The following PCDH7 variants were observed in gnomAD, a reference collection of about 807,000 sequenced individuals.
PCDH7 encodes the protein protocadherin 7.
Under a neutral mutation model 58.9 loss-of-function variants are expected in PCDH7, and 17 were observed. The observed-to-expected ratio is 0.29, with a 90% CI of 0.20 to 0.43. PCDH7 has a LOEUF of 0.43. Ranked by LOEUF, PCDH7 falls within the 20% of genes least tolerant of loss-of-function variation. The pLI, the probability that PCDH7 is intolerant of heterozygous loss-of-function variation, is 1.00. For synonymous variants in PCDH7, 664 were observed against 616.4 expected (o/e 1.08, Z -1.14); for missense variants, 1,274 against 1,441.0 (o/e 0.88, Z 1.88).
chr4:31,053,894 A>C (rs182324791), intron 3 of PCDH7, among the ~76,000 whole-genome samples: 1 of 152,128 alleles, frequency 6.6e-6, no homozygotes, highest in East Asian at 1.9e-4. Flanking sequence ...CTAAACTAAA[A>C]TTTTCTGGTT....
At chr4:30,783,685 G>A (rs2121659) in intron 1 of PCDH7, among the ~76,000 whole-genome samples, 54,449 of 151,986 alleles carry the variant, frequency 0.36, 10,638 homozygotes, top group African/African-American at 0.51. Context: ...CTTGTACTGA[G>A]GTCTGAGTTC....
At position 31,005,574 on chromosome 4, in the gene PCDH7, A is replaced by C. The variant is rs186903790; in HGVS notation, c.*7+55359A>C. ...CCTCTGTTCTGTTAGGTTTATCGGC[A>C]TGATACGATTTCAAAACCATATAAC... On this transcript the variant is annotated intron_variant, in intron 3 of 3. Transcript: ENST00000509759. 2.0e-5 allele frequency among the ~76,000 whole-genome samples: 3 copies of C among 152,340 alleles called. No individual in the cohort carries two copies. The East Asian group carries it at 5.8e-4, about 29-fold the overall frequency.
chr4:30,746,094 G>T (rs905428914), intron 1 of PCDH7, among the ~76,000 whole-genome samples: 4 of 152,128 alleles, frequency 2.6e-5, no homozygotes, highest in African/African-American at 9.7e-5. Context: ...CTCCAAAAGT[G>T]CTGGGATTAC....
At chr4:30,918,251 A>G (rs1423737863) in intron 1 of PCDH7, among the ~76,000 whole-genome samples, 1 of 152,008 alleles carries the variant, frequency 6.6e-6, no homozygotes. Context: ...GTGTAGAACA[A>G]TGTGGTTTTA....
Position 31,093,132 on chromosome 4 carries a change from T to C in PCDH7, c.*8-49341T>C, listed in dbSNP as rs115828085. ...GGGCACATGGATGATGTATCCTTATTTCCCTCAGATATTGCCTGGTTTTTA... is the reference window on the plus strand; with the variant it reads ...GGGCACATGGATGATGTATCCTTATCTCCCTCAGATATTGCCTGGTTTTTA... On this transcript the variant is annotated intron_variant, in intron 3 of 3. Coordinates refer to the PCDH7 transcript ENST00000509759. Among the ~76,000 whole-genome samples, 1,155 of 152,232 alleles carry C rather than the reference T, an allele frequency of 7.6e-3. 12 individuals are homozygous for C. The highest frequency in any genetic ancestry group is 0.026 in the African/African-American group (1,095 of 41,562).
chr4:31,077,602 C>T (rs1759117087), intron 3 of PCDH7, among the ~76,000 whole-genome samples: 1 of 151,924 alleles, frequency 6.6e-6, no homozygotes, highest in Non-Finnish European at 1.5e-5. Context: ...TAGTATGTCT[C>T]CCCACTTCAT....
chr4:30,916,304 C>G (rs1742465698), intron 1 of PCDH7, among the ~76,000 whole-genome samples: 1 of 152,180 alleles, frequency 6.6e-6, no homozygotes, highest in African/African-American at 2.4e-5. Flanking sequence ...ATTTCTTCTT[C>G]CTCCTCTTTC....
intron 3 of PCDH7, among the ~76,000 whole-genome samples, chr4:30,976,135 T>C (rs1326808237): frequency 6.6e-6 from 1 of 152,210 alleles, no homozygotes; most frequent in East Asian, 1.9e-4. Flanking sequence ...ACTTTCAATA[T>C]AAAATTCTTT....
intron 1 of PCDH7, among the ~76,000 whole-genome samples, chr4:30,896,871 G>GC (rs1290518791): frequency 8.9e-6 from 1 of 112,504 alleles, no homozygotes; most frequent in African/African-American, 3.4e-5. Context: ...CTTGTCTTGT[G>GC]CCCCTCCTAG....
chr4:31,013,849 A>C (rs1753402822), intron 3 of PCDH7, among the ~76,000 whole-genome samples: 1 of 152,162 alleles, frequency 6.6e-6, no homozygotes, highest in Non-Finnish European at 1.5e-5. Context: ...TGTCACATAG[A>C]ATTCCATTCT....
chr4:31,061,606 A>T (rs1285580647), intron 3 of PCDH7, among the ~76,000 whole-genome samples: 6 of 151,706 alleles, frequency 4.0e-5, no homozygotes, highest in Non-Finnish European at 3.0e-5. Context: ...AACAAAGCAA[A>T]ATATATATTC....
intron 1 of PCDH7, among the ~76,000 whole-genome samples, chr4:30,906,246 G>A (rs575485893): frequency 2.0e-5 from 3 of 152,046 alleles, no homozygotes; most frequent in South Asian, 4.2e-4. Context: ...ATACTCTTAC[G>A]GTTTCAAAGT....
intron 3 of PCDH7, among the ~76,000 whole-genome samples, chr4:30,961,043 A>T (rs1748367486): frequency 6.6e-6 from 1 of 152,178 alleles, no homozygotes; most frequent in South Asian, 2.1e-4. Flanking sequence ...CAAAATGAAG[A>T]TATGTGGATT....
chr4:30,958,599 C>A (rs1480067490), intron 3 of PCDH7, among the ~76,000 whole-genome samples: 1 of 151,616 alleles, frequency 6.6e-6, no homozygotes, highest in Non-Finnish European at 1.5e-5. Context: ...GTATTTTTGG[C>A]AAAACATTTT....
chr4:31,031,597 C>T (rs1754921657), intron 3 of PCDH7, among the ~76,000 whole-genome samples: 1 of 152,024 alleles, frequency 6.6e-6, no homozygotes, highest in South Asian at 2.1e-4. Context: ...TATTTGTTGG[C>T]CTTCCCAATA....
rs865898203 is a variant in PCDH7 at position 30,905,479 on chromosome 4, A to C, written c.71-14674A>C. Among the ~76,000 whole-genome samples the C allele has an allele frequency of 4.7e-3, 714 of 151,760 alleles. 5 individuals are homozygous for C. The highest frequency in any genetic ancestry group is 4.9e-3 in the Admixed American group (74 of 15,230). The stretch of plus-strand genomic sequence containing the variant: ...ATGAGAAAATGAAAAACAAAAAAAA[A>C]CCACAAAAATAAAAGAAACCTTTGC... On this transcript the variant is annotated intron_variant, in intron 1 of 3. Transcript: ENST00000509759.
chr4:31,035,512 C>T (rs1755335245), intron 3 of PCDH7, among the ~76,000 whole-genome samples: 1 of 152,158 alleles, frequency 6.6e-6, no homozygotes, highest in Admixed American at 6.5e-5. Flanking sequence ...CCTCAGCCTC[C>T]CAAAGTGCTG....
At chr4:31,079,351 T>G (rs187211055) in intron 3 of PCDH7, among the ~76,000 whole-genome samples, 9,028 of 83,326 alleles carry the variant, frequency 0.11, 549 homozygotes, top group South Asian at 0.23. Context: ...TATATATATA[T>G]ATATATATAT....
intron 1 of PCDH7, among the ~76,000 whole-genome samples, chr4:30,853,727 A>T (rs1454156749): frequency 6.6e-6 from 1 of 152,088 alleles, no homozygotes; most frequent in East Asian, 1.9e-4. Context: ...AAATGATGAT[A>T]TATTTTGCTC....
Sources: allele counts gnomAD v4.1 joint callset (sites outside exome capture counted in the v4.1 genomes callset), GRCh38; gene constraint gnomAD v4.1.1; transcripts MANE v1.5; gene names NCBI Gene and HGNC (gene_info 2026-07-23, HGNC 2026-07-21).